Variants in TANC2 observed in about 807,000 individuals in gnomAD.
TANC2 encodes tetratricopeptide repeat, ankyrin repeat and coiled-coil containing 2.
In TANC2, 26 loss-of-function variants were observed where a neutral mutation model predicts 210.5. The observed-to-expected ratio is 0.12, with a 90% CI of 0.09 to 0.17. The LOEUF is 0.17. Ranked by LOEUF, TANC2 falls within the 10% of genes least tolerant of loss-of-function variation. TANC2 has a pLI of 1.00. For missense variants in TANC2, 2,129 were observed against 2,608.9 expected (o/e 0.82, Z 4.01); for synonymous variants, 931 against 967.1 (o/e 0.96, Z 0.69).
intron 8 of TANC2, among the ~76,000 whole-genome samples, chr17:63,239,393 A>G (rs2042713286): frequency 6.6e-6 from 1 of 152,172 alleles, no homozygotes; most frequent in African/African-American, 2.4e-5. Flanking sequence ...TGCTTCTCTT[A>G]CTTTCCTCAT....
intron 2 of TANC2, among the ~76,000 whole-genome samples, chr17:63,028,660 G>T (rs1475762099): frequency 6.6e-6 from 1 of 152,086 alleles, no homozygotes; most frequent in Admixed American, 6.6e-5. Flanking sequence ...TTTTCAGGAA[G>T]AAAAAGGAAA....
At chr17:63,339,377 C>T (rs936990721) in intron 11 of TANC2, among the ~76,000 whole-genome samples, 1 of 152,108 alleles carries the variant, frequency 6.6e-6, no homozygotes, top group Admixed American at 6.5e-5. Context: ...TGTGCAGATT[C>T]TAACAAACAA....
chr17:63,150,329 A>G (rs879884826), intron 4 of TANC2: 2 of 152,184 alleles, frequency 1.3e-5, no homozygotes, highest in Non-Finnish European at 2.9e-5. Flanking sequence ...AGTTTATTTA[A>G]TAGAACTCAG....
chr17:63,319,170 A>C (rs1044254040), intron 11 of TANC2, 80 bp downstream of exon 11: 45 of 1,427,344 alleles, frequency 3.2e-5, no homozygotes, highest in Non-Finnish European at 4.1e-5. Flanking sequence ...ACCTTTGGCA[A>C]AGTGAACAAA....
intron 4 of TANC2, among the ~76,000 whole-genome samples, chr17:63,120,502 A>T (rs1015914995): frequency 2.0e-5 from 3 of 152,082 alleles, no homozygotes; most frequent in African/African-American, 7.2e-5. Context: ...CTTCCATCTT[A>T]CTTTCTGAAA....
chr17:63,091,646 A>G (rs191233222), intron 3 of TANC2, among the ~76,000 whole-genome samples: 55 of 152,338 alleles, frequency 3.6e-4, no homozygotes, highest in African/African-American at 1.2e-3. Context: ...AGGTAGCATG[A>G]TGCCTCCAGC....
At chr17:63,111,807 C>T (rs2038058458) in intron 4 of TANC2, among the ~76,000 whole-genome samples, 1 of 152,140 alleles carries the variant, frequency 6.6e-6, no homozygotes, top group African/African-American at 2.4e-5. Context: ...CTCACTGCAA[C>T]CTCCGCCTCC....
chr17:63,125,624 C>T (rs570624993), intron 4 of TANC2, among the ~76,000 whole-genome samples: 18 of 152,250 alleles, frequency 1.2e-4, no homozygotes, highest in Admixed American at 2.0e-4. Context: ...CAGAGTATTT[C>T]ATTGTGAGTT....
At chr17:63,144,250 C>T (rs774349151) in intron 4 of TANC2, among the ~76,000 whole-genome samples, 1 of 151,978 alleles carries the variant, frequency 6.6e-6, no homozygotes, top group Admixed American at 6.6e-5. Context: ...TGAAATGAAT[C>T]GTTTTTTCAT....
At chr17:63,424,639 G>A (rs1014105704) in exon 28 of TANC2, 2 of 152,202 alleles carry the variant, frequency 1.3e-5, no homozygotes, top group Non-Finnish European at 2.9e-5. Context: ...TCACCAAGTT[G>A]TATGTTCCAT....
Position 63,110,105 on chromosome 17 carries a change from C to CT in TANC2, c.322+10751dup, listed in dbSNP as rs2037977847. Among the ~76,000 whole-genome samples the CT allele has an allele frequency of 2.6e-5, 4 of 151,786 alleles. No homozygotes were observed. The South Asian group carries it at 6.2e-4, about 24-fold the overall frequency. On this transcript the variant is annotated intron_variant, in intron 4 of 27. Transcript: ENST00000689528. ...ACTCTTCCTTGTGACCCCTTATCAA[C>CT]TTTCAGTGAGCATTTTTTTTCTTTT...
At chr17:63,179,244 T>C (rs2040694238) in intron 5 of TANC2, among the ~76,000 whole-genome samples, 1 of 152,214 alleles carries the variant, frequency 6.6e-6, no homozygotes, top group Non-Finnish European at 1.5e-5. Flanking sequence ...GATAAAAATA[T>C]ATTAAGTAGC....
At chr17:63,006,522 T>A (rs1318356924) in intron 1 of TANC2, among the ~76,000 whole-genome samples, 1 of 152,190 alleles carries the variant, frequency 6.6e-6, no homozygotes, top group Admixed American at 6.5e-5. Flanking sequence ...GTTCAACTTA[T>A]GGGTATTTAG....
At chr17:63,266,816 G>A (rs1420615645) in intron 8 of TANC2, among the ~76,000 whole-genome samples, 1 of 151,996 alleles carries the variant, frequency 6.6e-6, no homozygotes, top group Non-Finnish European at 1.5e-5. Context: ...TTAGTAATAA[G>A]TTGGTAGCTA....
intron 4 of TANC2, chr17:63,120,836 A>C (rs891724263): frequency 3.3e-5 from 5 of 151,312 alleles, no homozygotes; most frequent in South Asian, 2.1e-4. Flanking sequence ...AAAAAAAAAA[A>C]AAAAACTATT....
At chr17:63,301,958 A>G (rs567424090) in intron 9 of TANC2, among the ~76,000 whole-genome samples, 47 of 152,222 alleles carry the variant, frequency 3.1e-4, no homozygotes, top group Admixed American at 3.1e-3. Context: ...GCTGTGTCCT[A>G]GAGATTCTGG....
intron 22 of TANC2, 39 bp from the exon 23 acceptor site, chr17:63,411,959 T>C (rs2048716880): frequency 6.2e-7 from 1 of 1,611,520 alleles, no homozygotes; most frequent in East Asian, 2.2e-5. Context: ...GCTGAGCCAT[T>C]ACGCCTGTCC....
intron 2 of TANC2, among the ~76,000 whole-genome samples, chr17:63,063,529 GAC>G (rs933356755): frequency 6.6e-4 from 85 of 129,408 alleles, no homozygotes; most frequent in African/African-American, 2.5e-3. Flanking sequence ...CTGGGACAAA[GAC>G]GTGTGTGTGT....
chr17:63,292,217 G>A (rs945172226), intron 9 of TANC2, among the ~76,000 whole-genome samples: 1 of 151,978 alleles, frequency 6.6e-6, no homozygotes, highest in African/African-American at 2.4e-5. Context: ...CTTCCTTTGA[G>A]ATTGATAAGA....
Sources: allele counts gnomAD v4.1 joint callset (sites outside exome capture counted in the v4.1 genomes callset), GRCh38; gene constraint gnomAD v4.1.1; transcripts MANE v1.5; gene names NCBI Gene and HGNC (gene_info 2026-07-23, HGNC 2026-07-21).